Variants in GLIPR1L1 observed in about 807,000 individuals in gnomAD.
GLIPR1L1 encodes GLIPR1-like protein 1.
In GLIPR1L1, 26 loss-of-function variants were observed where a neutral mutation model predicts 29.9. The observed-to-expected ratio is 0.87, with a 90% CI of 0.64 to 1.21. GLIPR1L1 has a LOEUF of 1.21. GLIPR1L1 is among the 50% of genes most tolerant of loss of function. The probability of loss-of-function intolerance (pLI) is 0.00; values close to 1 mark genes in which losing one functional copy is unlikely to be tolerated. For missense variants in GLIPR1L1, 305 were observed against 290.3 expected (o/e 1.05, Z -0.37); for synonymous variants, 77 against 97.5 (o/e 0.79, Z 1.24).
intron 3 of GLIPR1L1, among the ~76,000 whole-genome samples, chr12:75,353,022 A>T (rs2042915525): frequency 6.6e-6 from 1 of 152,198 alleles, no homozygotes; most frequent in Admixed American, 6.5e-5. Flanking sequence ...TTATAGTGCT[A>T]AATGCTCACA....
At chr12:75,358,527 C>A (rs1328955266) in intron 3 of GLIPR1L1, among the ~76,000 whole-genome samples, 3 of 150,648 alleles carry the variant, frequency 2.0e-5, no homozygotes, top group Non-Finnish European at 3.0e-5. Flanking sequence ...TCCTAACAAG[C>A]TAAAAATAGA....
Position 75,334,849 on chromosome 12 carries a change from C to T in GLIPR1L1, c.121C>T (p.His41Tyr), listed in dbSNP as rs2041608355. ...PHFIDNCIEA[H>Y]NEWRGKVNPP... ...CTTTATAGACAACTGCATAGAAGCC[C>T]ACAACGAATGGCGTGGCAAAGTCAA... The change falls in exon 1 of 6, where the codon CAC (histidine) becomes TAC (tyrosine). Residue 41 changes from histidine to tyrosine, a missense_variant. Transcript: ENST00000378695. 1 of 1,614,116 alleles carries T rather than the reference C, an allele frequency of 6.2e-7. No homozygotes were observed. The highest frequency in any genetic ancestry group is 1.1e-5 in the South Asian group (1 of 91,084).
intron 3 of GLIPR1L1, among the ~76,000 whole-genome samples, chr12:75,348,826 T>C (rs2042618548): frequency 6.6e-6 from 1 of 152,054 alleles, no homozygotes. Flanking sequence ...CATGAAGCAA[T>C]GGTTTTAAAG....
At chr12:75,336,834 T>C (rs1171914789) in intron 1 of GLIPR1L1, among the ~76,000 whole-genome samples, 3 of 151,836 alleles carry the variant, frequency 2.0e-5, no homozygotes, top group Non-Finnish European at 4.4e-5. Flanking sequence ...TTTTATCAAG[T>C]ATTCATTACA....
intron 2 of GLIPR1L1, among the ~76,000 whole-genome samples, chr12:75,346,701 G>A (rs1479375578): frequency 6.6e-6 from 1 of 152,032 alleles, no homozygotes; most frequent in East Asian, 1.9e-4. Flanking sequence ...CACTTTTGCT[G>A]GTAAATATTT....
intron 1 of GLIPR1L1, among the ~76,000 whole-genome samples, chr12:75,343,326 T>C (rs566861751): frequency 8.3e-4 from 127 of 152,170 alleles, no homozygotes; most frequent in African/African-American, 2.9e-3. Context: ...TTTTTTGCCC[T>C]TTTTAATTAT....
intron 4 of GLIPR1L1, among the ~76,000 whole-genome samples, chr12:75,363,443 C>T (rs1268982015): frequency 6.6e-6 from 1 of 152,124 alleles, no homozygotes; most frequent in Admixed American, 6.6e-5. Context: ...TTTGCTGCTG[C>T]ACTGAAAATA....
At chr12:75,345,280 A>T (rs752895643) in intron 2 of GLIPR1L1, among the ~76,000 whole-genome samples, 2 of 152,010 alleles carry the variant, frequency 1.3e-5, no homozygotes, top group East Asian at 3.9e-4. Context: ...TTTTTCTGCA[A>T]ATCTCAGGGG....
At chr12:75,336,153 A>G (rs1391609314) in intron 1 of GLIPR1L1, among the ~76,000 whole-genome samples, 14 of 151,970 alleles carry the variant, frequency 9.2e-5, no homozygotes, top group Non-Finnish European at 1.2e-4. Context: ...TTCTGGATGG[A>G]CCGTGAGAAG....
chr12:75,369,516 A>G, intron 4 of GLIPR1L1: 2 of 979,626 alleles, frequency 2.0e-6, no homozygotes, highest in Non-Finnish European at 2.4e-6. Context: ...TTAGAATGGT[A>G]AACTGGGGAG....
intron 3 of GLIPR1L1, among the ~76,000 whole-genome samples, chr12:75,356,107 C>G (rs2043140243): frequency 6.6e-6 from 1 of 151,924 alleles, no homozygotes; most frequent in Non-Finnish European, 1.5e-5. Flanking sequence ...CAAACCTGCC[C>G]ATGCTGCATT....
rs557745352 is a variant in GLIPR1L1, at chr12:75,347,089, T to C, written c.421-533T>C. On this transcript the variant is annotated intron_variant, in intron 2 of 5. Transcript: ENST00000378695. ...CTTTGCAACTAGATAAAAATAAAAA[T>C]TCACCATCCTTACAGCAGGCATCTT... is the stretch of plus-strand genomic sequence containing the variant. Among the ~76,000 whole-genome samples the C allele has an allele frequency of 2.6e-5, 4 of 151,772 alleles. No homozygotes were observed. The South Asian group carries it at 8.3e-4, about 32-fold the overall frequency.
chr12:75,358,742 TA>T (rs938835885), intron 3 of GLIPR1L1, among the ~76,000 whole-genome samples: 2 of 145,268 alleles, frequency 1.4e-5, no homozygotes, highest in Non-Finnish European at 3.0e-5. Flanking sequence ...ATATATGGTT[TA>T]AATATATATA....
intron 3 of GLIPR1L1, among the ~76,000 whole-genome samples, chr12:75,349,530 A>G (rs2042667968): frequency 6.6e-6 from 1 of 152,232 alleles, no homozygotes; most frequent in Non-Finnish European, 1.5e-5. Flanking sequence ...AAATGAATGC[A>G]GAACTTACAC....
chr12:75,351,276 A>G (rs1463963223), intron 3 of GLIPR1L1, among the ~76,000 whole-genome samples: 3 of 152,236 alleles, frequency 2.0e-5, no homozygotes, highest in African/African-American at 7.2e-5. Flanking sequence ...GATATCATCC[A>G]GGAGAACTTC....
chr12:75,344,191 T>G (rs537888984), intron 2 of GLIPR1L1, among the ~76,000 whole-genome samples: 1 of 152,112 alleles, frequency 6.6e-6, no homozygotes, highest in Admixed American at 6.5e-5. Flanking sequence ...GGCCATTGTT[T>G]CTGGAAATAC....
chr12:75,352,473 C>A (rs909011150), intron 3 of GLIPR1L1, among the ~76,000 whole-genome samples: 1 of 152,172 alleles, frequency 6.6e-6, no homozygotes, highest in Non-Finnish European at 1.5e-5. Context: ...TATATATGCA[C>A]CCAATACAGG....
At chr12:75,339,268 T>C (rs969595347) in intron 1 of GLIPR1L1, among the ~76,000 whole-genome samples, 2 of 152,150 alleles carry the variant, frequency 1.3e-5, no homozygotes, top group Non-Finnish European at 2.9e-5. Context: ...AGCACCTGTT[T>C]CTGGACTTTT....
chr12:75,349,371 C>T (rs191421913), intron 3 of GLIPR1L1, among the ~76,000 whole-genome samples: 124 of 152,172 alleles, frequency 8.1e-4, no homozygotes, highest in African/African-American at 2.8e-3. Flanking sequence ...ACTTTAACAA[C>T]AACAACAGCA....
Sources: gnomAD v4.1 joint callset for allele counts (sites outside exome capture counted in the v4.1 genomes callset) on GRCh38, gnomAD v4.1.1 for gene constraint, MANE v1.5 for transcripts, NCBI Gene and HGNC (gene_info 2026-07-23, HGNC 2026-07-21) for gene names.